MAX: variants seen among roughly 807,000 people sequenced by gnomAD.
MAX encodes MYC associated transcriptional regulator X.
A neutral mutation model predicts 22.3 loss-of-function variants in MAX; 3 were observed. The observed-to-expected ratio is 0.13, with a 90% CI of 0.06 to 0.35. MAX has a LOEUF of 0.35. Among genes scored for constraint, MAX ranks in the 10% least tolerant of loss-of-function variants. MAX has a pLI of 1.00. For missense variants in MAX, 119 were observed against 209.4 expected (o/e 0.57, Z 2.66); for synonymous variants, 72 against 77.7 (o/e 0.93, Z 0.39).
intron 3 of MAX, among the ~76,000 whole-genome samples, chr14:65,068,327 C>T (rs905769034): frequency 1.3e-5 from 2 of 152,106 alleles, no homozygotes; most frequent in Non-Finnish European, 1.5e-5. Context: ...CTCAGCTACT[C>T]GAGAAGCTGA....
At chr14:65,083,570 GC>G (rs372762762) in intron 3 of MAX, among the ~76,000 whole-genome samples, 1 of 152,142 alleles carries the variant, frequency 6.6e-6, no homozygotes, top group African/African-American at 2.4e-5. Context: ...GAACACCACT[GC>G]CCTTCCCTAG....
chr14:65,016,104 C>G (rs2061768405), intron 3 of MAX, among the ~76,000 whole-genome samples: 1 of 152,184 alleles, frequency 6.6e-6, no homozygotes, highest in Non-Finnish European at 1.5e-5. Flanking sequence ...AATGCCTTTG[C>G]CTTTCCTACG....
chr14:65,027,329 A>C lies in MAX; in HGVS notation c.172-21045T>G. 6.9e-7 allele frequency: 1 copy of C among 1,448,624 alleles called. No individual in the cohort carries two copies. Among genetic ancestry groups the C allele is most frequent in the Non-Finnish European group, 9.4e-7 (1 of 1,067,570 alleles). The allele number at this position is 1,448,624 out of a possible 1,614,324, so 89.7% of individuals were successfully genotyped here. ...GAGGTTATATTCAACAAGTGGGAGG[A>C]GAGGTTCCCCTCAACTTTTGAGGGA... On this transcript the variant is annotated intron_variant, in intron 3 of 3. Coordinates refer to the MAX transcript ENST00000341653. This position sits in a 1 kb window ranked among gnomAD's most constrained non-coding sequence, Gnocchi z 5.7.
rs556734672 is a variant in MAX, at chr14:65,102,445, ACACTCACTCACT to A, written c.-118_-107del. The A allele has an allele frequency of 9.7e-6, 15 of 1,544,520 alleles. No individual in the cohort carries two copies. Among genetic ancestry groups the A allele is most frequent in the Non-Finnish European group, 1.2e-5 (14 of 1,147,022 alleles). On this transcript the variant is annotated 5_prime_UTR_variant, in exon 1 of 5. Coordinates refer to ENST00000358664, the MANE Select transcript of MAX (RefSeq NM_002382.5). ...AACAAGCCGAGTCCCCCCCACACACACACTCACTCACTCACTCACTCGCTCTCTCACTCACAC... is the reference window on the plus strand; with the variant it reads ...AACAAGCCGAGTCCCCCCCACACACACACTCACTCGCTCTCTCACTCACAC...
downstream of MAX, among the ~76,000 whole-genome samples, chr14:65,073,431 G>C (rs1267721483): frequency 6.6e-6 from 1 of 152,118 alleles, no homozygotes; most frequent in Non-Finnish European, 1.5e-5. Context: ...TTTTACAATG[G>C]GGTTAGCGTA....
At chr14:65,092,449 A>C (rs1414082064) in intron 3 of MAX, among the ~76,000 whole-genome samples, 2 of 152,224 alleles carry the variant, frequency 1.3e-5, no homozygotes, top group Non-Finnish European at 2.9e-5. Context: ...AATCTTTGGC[A>C]TGTGTTTACT....
rs2063414613 is a variant in MAX, at chr14:65,088,775, C to A, written c.171+4933G>T. On this transcript the variant is annotated intron_variant, in intron 3 of 4. Transcript: ENST00000358664. The surrounding 1 kb of genome is among the most constrained non-coding windows in gnomAD (Gnocchi z 5.2). ...TCACGGTACTTATTGTAGTGTAGTG[C>A]CAGCAGACAGTCATTTAATAATCAC... is the stretch of plus-strand genomic sequence containing the variant. Among the ~76,000 whole-genome samples the A allele has an allele frequency of 6.6e-6, 1 of 152,150 alleles. No individual in the cohort carries two copies. Among genetic ancestry groups the A allele is most frequent in the Non-Finnish European group, 1.5e-5 (1 of 68,020 alleles).
rs556842456 is a variant in MAX at position 65,006,575 on chromosome 14, G to T, written c.172-291C>A. Among the ~76,000 whole-genome samples, 11 of 152,304 alleles carry T rather than the reference G, an allele frequency of 7.2e-5. No homozygotes were observed. The East Asian group carries it at 2.1e-3, about 29-fold the overall frequency. Reference sequence around the variant, plus strand: ...AGACTTCATAATGGTGAGGGTGTGGGTGATTGCTTTTGGAGGGGCTTTGTT... The same window carrying T: ...AGACTTCATAATGGTGAGGGTGTGGTTGATTGCTTTTGGAGGGGCTTTGTT... On this transcript the variant is annotated intron_variant, in intron 3 of 3. Coordinates refer to the MAX transcript ENST00000341653.
At chr14:65,040,310 T>G (rs1375203365) in intron 3 of MAX, among the ~76,000 whole-genome samples, 1 of 149,334 alleles carries the variant, frequency 6.7e-6, no homozygotes, top group Non-Finnish European at 1.5e-5. Context: ...TATATATGTG[T>G]ATATATGTAC....
chr14:65,074,497 G>T (rs2063018285), downstream of MAX, among the ~76,000 whole-genome samples: 1 of 152,236 alleles, frequency 6.6e-6, no homozygotes, highest in African/African-American at 2.4e-5. Flanking sequence ...ACAAATCCAA[G>T]AACTGATTTG....
At position 65,025,577 on chromosome 14, in the gene MAX, G is replaced by A. The variant is rs576353365; in HGVS notation, c.172-19293C>T. ...CACCTGTGACCTCAGCACTTTGGGAGTCCGAGGTGGGAGGATTGCTTGAGC... is the reference window on the plus strand; with the variant it reads ...CACCTGTGACCTCAGCACTTTGGGAATCCGAGGTGGGAGGATTGCTTGAGC... On this transcript the variant is annotated intron_variant, in intron 3 of 3. Transcript: ENST00000341653. Among the ~76,000 whole-genome samples the A allele has an allele frequency of 6.3e-3, 961 of 152,314 alleles. 5 individuals carry two copies. Among genetic ancestry groups the A allele is most frequent in the Non-Finnish European group, 0.01 (708 of 68,026 alleles).
intron 3 of MAX, among the ~76,000 whole-genome samples, chr14:65,066,920 A>G (rs541254787): frequency 3.6e-4 from 55 of 151,536 alleles, no homozygotes; most frequent in African/African-American, 1.3e-3. Context: ...TCATGACTGT[A>G]ATCCCAACAC....
chr14:65,027,339 C>T lies in MAX; in HGVS notation c.172-21055G>A. On this transcript the variant is annotated intron_variant, in intron 3 of 3. Coordinates refer to the MAX transcript ENST00000341653. The surrounding 1 kb of genome is among the most constrained non-coding windows in gnomAD (Gnocchi z 5.7). ...TCAACAAGTGGGAGGAGAGGTTCCCCTCAACTTTTGAGGGAGTGGGGGATC... is the reference window on the plus strand; with the variant it reads ...TCAACAAGTGGGAGGAGAGGTTCCCTTCAACTTTTGAGGGAGTGGGGGATC... 7 of 1,521,822 alleles carry T rather than the reference C, an allele frequency of 4.6e-6. No homozygotes were observed. The highest frequency in any genetic ancestry group is 6.2e-6 in the Non-Finnish European group (7 of 1,129,560). 94.3% of individuals were successfully genotyped at this position (1,521,822 alleles called of 1,614,324 possible).
intron 3 of MAX, among the ~76,000 whole-genome samples, chr14:65,053,977 C>G (rs941564238): frequency 6.6e-6 from 1 of 152,062 alleles, no homozygotes; most frequent in African/African-American, 2.4e-5. Flanking sequence ...CCTGGAGAGC[C>G]CTTTCCAGAA....
Position 65,028,826 on chromosome 14 carries a change from G to A in MAX, c.172-22542C>T, listed in dbSNP as rs778596196. On this transcript the variant is annotated intron_variant, in intron 3 of 3. Coordinates refer to the MAX transcript ENST00000341653. The surrounding 1 kb of genome is among the most constrained non-coding windows in gnomAD (Gnocchi z 4.4). ...AATGTTAAAAGAGTTTTTTTCCCTC[G>A]TGTTCACTACATTTTCGTTCCTGTT... 4.6e-5 allele frequency among the ~76,000 whole-genome samples: 7 copies of A among 152,010 alleles called. No homozygotes were observed. The highest frequency in any genetic ancestry group is 9.7e-5 in the African/African-American group (4 of 41,384).
chr14:65,017,578 G>A (rs1213317549), intron 3 of MAX, among the ~76,000 whole-genome samples: 1 of 152,184 alleles, frequency 6.6e-6, no homozygotes, highest in Non-Finnish European at 1.5e-5. Context: ...TGTCACATAG[G>A]AAGAGAGGAG....
At chr14:65,086,480 C>T (rs2063336598) in intron 3 of MAX, among the ~76,000 whole-genome samples, 1 of 152,176 alleles carries the variant, frequency 6.6e-6, no homozygotes. Flanking sequence ...GAGGTGGTCT[C>T]AGATGGAGAT....
At chr14:65,059,685 G>A (rs1361803550) in intron 3 of MAX, among the ~76,000 whole-genome samples, 4 of 151,970 alleles carry the variant, frequency 2.6e-5, no homozygotes, top group African/African-American at 9.7e-5. Flanking sequence ...ATTGGCCTAG[G>A]ATTATGCCGT....
intron 3 of MAX, among the ~76,000 whole-genome samples, chr14:65,048,993 C>T (rs1722755238): frequency 6.6e-6 from 1 of 151,864 alleles, no homozygotes; most frequent in Non-Finnish European, 1.5e-5. Flanking sequence ...AGGCATGGTG[C>T]CACGTTGCCT....
Sources: allele counts gnomAD v4.1 joint callset (sites outside exome capture counted in the v4.1 genomes callset), GRCh38; gene constraint gnomAD v4.1.1; non-coding constraint Gnocchi (gnomAD v3.1); transcripts MANE v1.5; gene names NCBI Gene and HGNC (gene_info 2026-07-23, HGNC 2026-07-21).